The following TEX14 variants were observed in gnomAD, a reference collection of about 807,000 sequenced individuals.
The protein encoded by TEX14 is inactive serine/threonine-protein kinase TEX14.
Under a neutral mutation model 178.6 loss-of-function variants are expected in TEX14, and 168 were observed. The ratio of observed to expected loss-of-function variants is 0.94; its 90% CI spans 0.83 to 1.07. TEX14 has a LOEUF of 1.07. Among genes scored for constraint, TEX14 ranks in the 50% least tolerant of loss-of-function variants. TEX14 has a pLI of 0.00. For missense variants in TEX14, 1,730 were observed against 1,753.6 expected (o/e 0.99, Z 0.24); for synonymous variants, 626 against 634.1 (o/e 0.99, Z 0.19).
chr17:58,674,862 A>G (rs2047367774), intron 1 of TEX14, among the ~76,000 whole-genome samples: 1 of 149,888 alleles, frequency 6.7e-6, no homozygotes, highest in Admixed American at 6.7e-5. Flanking sequence ...AAAGGCAGGT[A>G]GGCCGGGCAC....
chr17:58,586,003 A>C lies in TEX14; in HGVS notation c.2868T>G (p.Thr956=), dbSNP rs764258260. ...VPPWHPQSSL[T]LESEAENEPD... is the part of the protein sequence containing the mutation. ...GCTCATTTTCAGCCTCGCTCTCTAAAGTCAGACTACTCTGAGGATGCCAAG... is the reference window on the plus strand; with the variant it reads ...GCTCATTTTCAGCCTCGCTCTCTAACGTCAGACTACTCTGAGGATGCCAAG... The change falls in exon 18 of 32, where the codon ACT becomes ACG. Residue 956 remains threonine (T), a synonymous_variant. Transcript: ENST00000349033. The C allele has an allele frequency of 6.2e-7, 1 of 1,614,006 alleles. No homozygotes were observed. The highest frequency in any genetic ancestry group is 1.7e-5 in the Admixed American group (1 of 59,992).
Position 58,601,824 on chromosome 17 carries a change from T to C in TEX14, c.1660A>G (p.Ile554Val), listed in dbSNP as rs766273045. The C allele has an allele frequency of 6.2e-6, 10 of 1,612,966 alleles. No homozygotes were observed. The highest frequency in any genetic ancestry group is 8.5e-6 in the Non-Finnish European group (10 of 1,179,980). Reference protein sequence around the residue: ...HPRETPDMEIIELKEMGSQPH... With the variant: ...HPRETPDMEIVELKEMGSQPH... Reference sequence around the variant, plus strand: ...GCCATACCCATTTCCTTTAGTTCTATGATTTCCATGTCAGGTGTCTCTCTG... The same window carrying C: ...GCCATACCCATTTCCTTTAGTTCTACGATTTCCATGTCAGGTGTCTCTCTG... Residue 554 changes from isoleucine (I) to valine (V), a missense_variant, in exon 13 of 32, where the codon ATA (isoleucine) becomes GTA (valine). Around this residue, in one of 2 missense-constraint regions of TEX14, gnomAD observed 941 missense variants for 1,072.4 expected, o/e 0.88. Transcript: ENST00000349033.
At chr17:58,640,715 T>C (rs1212210827) in intron 2 of TEX14, among the ~76,000 whole-genome samples, 2 of 151,136 alleles carry the variant, frequency 1.3e-5, no homozygotes, top group Admixed American at 6.6e-5. Flanking sequence ...CAGAGAGACG[T>C]GGTGGCTATT....
chr17:58,628,687 G>A (rs1488695105), intron 3 of TEX14, among the ~76,000 whole-genome samples: 1 of 151,264 alleles, frequency 6.6e-6, no homozygotes, highest in Non-Finnish European at 1.5e-5. Flanking sequence ...ACTCCAGCCT[G>A]GGCAACAGAG....
In TEX14 at chr17:58,598,685, G is replaced by A. The variant is rs80246906; in HGVS notation, c.2469+191C>T. Among the ~76,000 whole-genome samples, 1,239 of 152,212 alleles carry A rather than the reference G, an allele frequency of 8.1e-3. 14 individuals carry two copies. The highest frequency in any genetic ancestry group is 0.024 in the Middle Eastern group (7 of 294). Reference sequence around the variant, plus strand: ...TATATATGTCAGTCCCTCCACATAGGTTAGGGGCAACGTCAAACCCAGCCC... The same window carrying A: ...TATATATGTCAGTCCCTCCACATAGATTAGGGGCAACGTCAAACCCAGCCC... On this transcript the variant is annotated intron_variant, in intron 14 of 31. Coordinates refer to ENST00000349033, the MANE Select transcript of TEX14 (RefSeq NM_031272.5).
chr17:58,617,832 G>C (rs955360742), intron 5 of TEX14, among the ~76,000 whole-genome samples: 7 of 152,162 alleles, frequency 4.6e-5, no homozygotes, highest in Non-Finnish European at 7.3e-5. Flanking sequence ...GCCCCTCACA[G>C]GTCACATGGG....
At chr17:58,608,293 T>C (rs1000193120) in intron 10 of TEX14, among the ~76,000 whole-genome samples, 4 of 152,020 alleles carry the variant, frequency 2.6e-5, no homozygotes, top group African/African-American at 7.3e-5. Flanking sequence ...GGCGGGTGCC[T>C]GTAGTCCTGG....
intron 3 of TEX14, among the ~76,000 whole-genome samples, 179 bp from the exon 4 acceptor site, chr17:58,623,191 CA>C (rs1404417442): frequency 6.6e-6 from 1 of 151,944 alleles, no homozygotes; most frequent in African/African-American, 2.4e-5. Context: ...TACACACACA[CA>C]CACACACACA....
At chr17:58,666,429 A>T (rs1386903103) in intron 1 of TEX14, 1 of 145,406 alleles carries the variant, frequency 6.9e-6, no homozygotes, top group Non-Finnish European at 1.5e-5. Flanking sequence ...TCCAGCCTAG[A>T]TAAACAAAGT....
At chr17:58,581,087 C>A (rs531033414) in intron 19 of TEX14, among the ~76,000 whole-genome samples, 9 of 152,062 alleles carry the variant, frequency 5.9e-5, no homozygotes, top group South Asian at 4.1e-4. Flanking sequence ...CCGAGGCGGG[C>A]GGATCACGAG....
intron 1 of TEX14, among the ~76,000 whole-genome samples, chr17:58,683,378 C>T (rs970036496): frequency 2.0e-5 from 3 of 147,394 alleles, no homozygotes; most frequent in African/African-American, 5.0e-5. Context: ...ATCCCCCCCC[C>T]CAAAAAAAAA....
chr17:58,664,526 T>C (rs898489304), intron 1 of TEX14, among the ~76,000 whole-genome samples: 1 of 152,194 alleles, frequency 6.6e-6, no homozygotes, highest in Non-Finnish European at 1.5e-5. Flanking sequence ...CAAGGTCCAG[T>C]CCGCTGGCCT....
chr17:58,632,515 A>G (rs372556880), intron 2 of TEX14, among the ~76,000 whole-genome samples: 1 of 152,210 alleles, frequency 6.6e-6, no homozygotes, highest in Non-Finnish European at 1.5e-5. Context: ...AACAAGCAGG[A>G]CAACATATTC....
intron 19 of TEX14, among the ~76,000 whole-genome samples, chr17:58,584,259 G>A (rs951471044): frequency 6.6e-6 from 1 of 152,144 alleles, no homozygotes; most frequent in African/African-American, 2.4e-5. Context: ...AGCTGAATCT[G>A]ACACTTTTCT....
chr17:58,621,835 G>A, intron 4 of TEX14, 49 bp from the exon 5 acceptor site: 1 of 1,553,740 alleles, frequency 6.4e-7, no homozygotes. Flanking sequence ...AGTTCTCAAT[G>A]GAATGGAAGC....
intron 17 of TEX14, among the ~76,000 whole-genome samples, chr17:58,586,401 T>C (rs1345214148): frequency 3.9e-5 from 6 of 152,138 alleles, no homozygotes; most frequent in Middle Eastern, 3.2e-3. Context: ...ACATCTATAG[T>C]TCTTAGTGTG....
chr17:58,607,238 G>C (rs2045631106), intron 10 of TEX14, among the ~76,000 whole-genome samples: 1 of 152,108 alleles, frequency 6.6e-6, no homozygotes, highest in African/African-American at 2.4e-5. Flanking sequence ...TGTTACACCT[G>C]CAACGGCTTG....
rs1473384977 is a variant in TEX14, at chr17:58,572,099, T to C, written c.3539A>G (p.Tyr1180Cys). 1 of 1,610,200 alleles carries C rather than the reference T, an allele frequency of 6.2e-7. No individual in the cohort carries two copies. The highest frequency in any genetic ancestry group is 8.5e-7 in the Non-Finnish European group (1 of 1,176,730). ...TGTGATACTTTCAAGGCAGTCTTTA[T>C]ACTGACTGGCAGCTGAAGAAACGGA... ...PGSVSSAASQ[Y>C]KDCLESITFQ... Residue 1180 changes from tyrosine (Y) to cysteine (C), a missense_variant, in exon 24 of 32, where the codon TAT becomes TGT. This residue lies in a region of TEX14 where 941 missense variants were observed against 1,072.4 expected (regional missense o/e 0.88). Transcript: ENST00000349033.
intron 9 of TEX14, 76 bp from the exon 10 acceptor site, chr17:58,611,415 C>T (rs2041200341): frequency 1.8e-6 from 2 of 1,094,130 alleles, no homozygotes; most frequent in Non-Finnish European, 1.4e-6. Context: ...TTGTGATTTC[C>T]AGTCTTTCCA....
Sources: gnomAD v4.1 joint callset for allele counts (sites outside exome capture counted in the v4.1 genomes callset) on GRCh38, gnomAD v4.1.1 for gene constraint, gnomAD v4.1.1 regional missense constraint, MANE v1.5 for transcripts, NCBI Gene and HGNC (gene_info 2026-07-23, HGNC 2026-07-21) for gene names.